The following EYS variants were observed in gnomAD, a reference collection of about 807,000 sequenced individuals.
EYS encodes EGF-like photoreceptor maintenance factor.
In EYS, 250 loss-of-function variants were observed where a neutral mutation model predicts 282.1. That is an observed-to-expected ratio of 0.89 (90% CI 0.80 to 0.98). The LOEUF (loss-of-function observed/expected upper bound fraction) is 0.98. Ranked by LOEUF, EYS falls within the 50% of genes least tolerant of loss-of-function variation. The pLI, the probability that EYS is intolerant of heterozygous loss-of-function variation, is 0.00. For missense variants in EYS, 4,016 were observed against 3,709.0 expected, an observed-to-expected ratio of 1.08 and a Z score of -2.15; for synonymous variants, 1,355 against 1,282.9, an observed-to-expected ratio of 1.06 and a Z score of -1.20.
intron 2 of EYS, among the ~76,000 whole-genome samples, chr6:65,605,067 A>G (rs1192687544): frequency 6.7e-6 from 1 of 148,752 alleles, no homozygotes; most frequent in East Asian, 2.0e-4. Context: ...CTGGTCTTGA[A>G]CTCCTGGACT....
At chr6:63,817,858 G>A (rs1456834563) in intron 36 of EYS, among the ~76,000 whole-genome samples, 1 of 152,168 alleles carries the variant, frequency 6.6e-6, no homozygotes, top group African/African-American at 2.4e-5. Context: ...TTCCTGAGAG[G>A]CCAGGCCATG....
At chr6:64,082,321 C>A (rs920988586) in intron 31 of EYS, among the ~76,000 whole-genome samples, 1 of 151,958 alleles carries the variant, frequency 6.6e-6, no homozygotes. Context: ...CAGTGTTTCA[C>A]CAGATTCTTT....
intron 35 of EYS, among the ~76,000 whole-genome samples, chr6:63,923,526 CTGTT>C (rs1328781019): frequency 6.6e-6 from 1 of 152,098 alleles, no homozygotes; most frequent in Non-Finnish European, 1.5e-5. Flanking sequence ...AGATGTACTA[CTGTT>C]TAAGCCAAAT....
intron 35 of EYS, among the ~76,000 whole-genome samples, chr6:63,953,472 C>A (rs1765684121): frequency 6.6e-6 from 1 of 152,084 alleles, no homozygotes; most frequent in Non-Finnish European, 1.5e-5. Context: ...TGTTACGTAT[C>A]TTGGCATAAT....
intron 5 of EYS, among the ~76,000 whole-genome samples, chr6:65,406,549 G>A (rs541493116): frequency 1.3e-5 from 2 of 152,098 alleles, no homozygotes; most frequent in African/African-American, 4.8e-5. Flanking sequence ...TATAATTTTA[G>A]CTCCTATGTT....
At chr6:64,287,073 G>A (rs1768529282) in intron 30 of EYS, among the ~76,000 whole-genome samples, 1 of 152,044 alleles carries the variant, frequency 6.6e-6, no homozygotes, top group Admixed American at 6.6e-5. Context: ...TAAGATAACT[G>A]AAATAACAGG....
At chr6:65,197,364 G>C (rs1765795527) in intron 12 of EYS, among the ~76,000 whole-genome samples, 1 of 152,038 alleles carries the variant, frequency 6.6e-6, no homozygotes, top group Admixed American at 6.6e-5. Context: ...TCTGAGACCA[G>C]AGTAACTAAA....
rs1332286575 is a variant in EYS, at chr6:64,594,110, C to T, written c.3685-801G>A. Among the ~76,000 whole-genome samples, 3 of 152,088 alleles carry T rather than the reference C, an allele frequency of 2.0e-5. No homozygotes were observed. In the East Asian group the frequency reaches 5.8e-4, roughly 29 times the overall value. On this transcript the variant is annotated intron_variant, in intron 24 of 42. Transcript: ENST00000503581. ...TAAATATTACATCTAATTTGCAGAA[C>T]ACTTAAGTCTTCTTTCAGATGTGGG...
intron 12 of EYS, among the ~76,000 whole-genome samples, chr6:65,165,509 G>A (rs1764952123): frequency 6.6e-6 from 1 of 150,830 alleles, no homozygotes; most frequent in South Asian, 2.1e-4. Context: ...ATCATCTTAT[G>A]AATTCCATTT....
chr6:65,105,358 A>G (rs975416303), intron 12 of EYS, among the ~76,000 whole-genome samples: 10 of 151,950 alleles, frequency 6.6e-5, no homozygotes, highest in African/African-American at 2.4e-4. Context: ...TGAAAATTGT[A>G]ATTATATAAA....
intron 22 of EYS, among the ~76,000 whole-genome samples, chr6:64,694,288 TA>T (rs575662513): frequency 4.9e-4 from 74 of 152,268 alleles, no homozygotes; most frequent in African/African-American, 1.8e-3. Flanking sequence ...ACATAAAAGT[TA>T]AAAAACCATT....
intron 8 of EYS, among the ~76,000 whole-genome samples, chr6:65,371,741 C>CTCTCTCTCTG (rs1335075948): frequency 1.8e-3 from 126 of 70,268 alleles, no homozygotes; most frequent in African/African-American, 7.2e-3. Context: ...CTCTCTCTCT[C>CTCTCTCTCTG]TGTGTGTGTG....
chr6:64,769,285 A>G (rs1298139802), intron 22 of EYS, among the ~76,000 whole-genome samples: 1 of 152,086 alleles, frequency 6.6e-6, no homozygotes, highest in Non-Finnish European at 1.5e-5. Flanking sequence ...TGCTCTAAAG[A>G]ATGCCTAACT....
At chr6:65,535,251 T>A (rs1767921485) in intron 2 of EYS, among the ~76,000 whole-genome samples, 1 of 152,140 alleles carries the variant, frequency 6.6e-6, no homozygotes, top group Non-Finnish European at 1.5e-5. Context: ...AAGAGCTTGA[T>A]ATGGTTTGGC....
intron 19 of EYS, among the ~76,000 whole-genome samples, chr6:64,871,149 A>G (rs1162829917): frequency 1.3e-5 from 2 of 151,918 alleles, no homozygotes; most frequent in South Asian, 2.1e-4. Flanking sequence ...GTGAATTACA[A>G]TTATTGTGAT....
intron 1 of EYS, among the ~76,000 whole-genome samples, chr6:65,683,078 T>C (rs1210012491): frequency 1.3e-5 from 2 of 152,006 alleles, no homozygotes; most frequent in African/African-American, 2.4e-5. Flanking sequence ...TGTCATAGTC[T>C]TGAATTAACT....
intron 19 of EYS, 30 bp downstream of exon 19, chr6:64,886,667 T>C: frequency 1.3e-6 from 2 of 1,494,576 alleles, no homozygotes; most frequent in Non-Finnish European, 8.9e-7. Flanking sequence ...CAGAAATATG[T>C]TGCTGCACAT....
intron 2 of EYS, among the ~76,000 whole-genome samples, chr6:65,584,476 G>T (rs961257879): frequency 3.9e-5 from 6 of 151,960 alleles, no homozygotes; most frequent in African/African-American, 1.2e-4. Flanking sequence ...GTTAATTGGG[G>T]AACATGAGGT....
intron 29 of EYS, among the ~76,000 whole-genome samples, chr6:64,379,972 AG>A (rs1382505202): frequency 6.6e-6 from 1 of 152,194 alleles, no homozygotes; most frequent in Admixed American, 6.5e-5. Context: ...TTTTTGGCAG[AG>A]GCATGACTAA....
Sources: gnomAD v4.1 joint callset for allele counts (sites outside exome capture counted in the v4.1 genomes callset) on GRCh38, gnomAD v4.1.1 for gene constraint, MANE v1.5 for transcripts, NCBI Gene and HGNC (gene_info 2026-07-23, HGNC 2026-07-21) for gene names.